The following IQSEC1 variants were observed in gnomAD, a reference collection of about 807,000 sequenced individuals.
IQSEC1 encodes IQ motif and Sec7 domain ArfGEF 1, also known as IQ motif and SEC7 domain-containing protein 1.
In IQSEC1, 31 loss-of-function variants were observed where a neutral mutation model predicts 91.0. The ratio of observed to expected loss-of-function variants is 0.34; its 90% CI spans 0.26 to 0.46. IQSEC1 has a LOEUF of 0.46. Ranked by LOEUF, IQSEC1 falls within the 20% of genes least tolerant of loss-of-function variation. The pLI, the probability that IQSEC1 is intolerant of heterozygous loss-of-function variation, is 1.00. For missense variants in IQSEC1, 1,388 were observed against 1,575.6 expected (o/e 0.88, Z 2.02); for synonymous variants, 699 against 662.6 (o/e 1.05, Z -0.84).
chr3:13,001,708 G>A (rs1702430515), intron 1 of IQSEC1, among the ~76,000 whole-genome samples: 1 of 152,194 alleles, frequency 6.6e-6, no homozygotes, highest in Non-Finnish European at 1.5e-5. Context: ...AATAAATATT[G>A]TCAAATGATT....
At chr3:12,950,767 C>T (rs1699490381) in intron 1 of IQSEC1, among the ~76,000 whole-genome samples, 1 of 151,986 alleles carries the variant, frequency 6.6e-6, no homozygotes, top group African/African-American at 2.4e-5. Flanking sequence ...CTCAGCCTCC[C>T]AAGTAGCTGG....
At chr3:13,177,426 C>T (rs754151274) in intron 1 of IQSEC1, among the ~76,000 whole-genome samples, 8 of 152,192 alleles carry the variant, frequency 5.3e-5, no homozygotes, top group East Asian at 3.8e-4. Context: ...ACAGGCCAGG[C>T]GCAGCACAGA....
chr3:13,038,262 G>GTATATA (rs58338571), intron 1 of IQSEC1, among the ~76,000 whole-genome samples: 1,689 of 101,016 alleles, frequency 0.017, 37 homozygotes, highest in East Asian at 0.068. Flanking sequence ...GTGTGTGTGT[G>GTATATA]TATATATATA....
chr3:13,209,576 C>T (rs888108722), intron 1 of IQSEC1, among the ~76,000 whole-genome samples: 1 of 152,176 alleles, frequency 6.6e-6, no homozygotes, highest in Non-Finnish European at 1.5e-5. Flanking sequence ...CCTCCCTGCC[C>T]TCCCATGTGC....
chr3:13,243,803 G>A (rs1005058867), intron 1 of IQSEC1, among the ~76,000 whole-genome samples: 10 of 151,936 alleles, frequency 6.6e-5, no homozygotes, highest in East Asian at 1.9e-4. Flanking sequence ...CTAGGGGGGC[G>A]TATGGCAGAA....
intron 12 of IQSEC1, among the ~76,000 whole-genome samples, chr3:12,906,976 C>T (rs558890714): frequency 6.6e-6 from 1 of 152,276 alleles, no homozygotes; most frequent in African/African-American, 2.4e-5. Flanking sequence ...TGATTCTGTC[C>T]CCCAGGGGAT....
chr3:13,264,308 C>T (rs1013717640), intron 1 of IQSEC1, among the ~76,000 whole-genome samples: 1 of 152,172 alleles, frequency 6.6e-6, no homozygotes, highest in Non-Finnish European at 1.5e-5. Context: ...CCCTGACCTG[C>T]CCATGGAAAC....
chr3:13,252,534 C>T (rs894125597), intron 1 of IQSEC1, among the ~76,000 whole-genome samples: 3 of 152,140 alleles, frequency 2.0e-5, no homozygotes, highest in South Asian at 2.1e-4. Context: ...CGACGCCCCG[C>T]GTTCAATTCT....
intron 1 of IQSEC1, among the ~76,000 whole-genome samples, chr3:13,247,288 T>C (rs1300271816): frequency 6.6e-6 from 1 of 152,140 alleles, no homozygotes; most frequent in Non-Finnish European, 1.5e-5. Context: ...CGTGCTGGGA[T>C]TTCTCTGCTG....
Position 13,277,645 on chromosome 3 carries a change from G to A in IQSEC1, c.272+5066C>T, listed in dbSNP as rs576522672. 2.6e-5 allele frequency among the ~76,000 whole-genome samples: 4 copies of A among 152,266 alleles called. No individual in the cohort carries two copies. The South Asian group carries it at 8.3e-4, about 32-fold the overall frequency. The stretch of plus-strand genomic sequence containing the variant: ...AGTCTCCCAGAGCATGCTGCAGCTC[G>A]TTCCTGACTTGGGGACTTCCTCCCC... On this transcript the variant is annotated intron_variant, in intron 1 of 15. Transcript: ENST00000648114.
At chr3:13,025,959 C>T (rs1036762714) in intron 1 of IQSEC1, among the ~76,000 whole-genome samples, 1 of 152,204 alleles carries the variant, frequency 6.6e-6, no homozygotes, top group Admixed American at 6.5e-5. Flanking sequence ...GCCTGTCCAC[C>T]CTGGGCCAGG....
chr3:13,139,315 A>T (rs358379), intron 2 of IQSEC1, among the ~76,000 whole-genome samples: 117,508 of 152,098 alleles, frequency 0.77, 45,914 homozygotes, highest in East Asian at 0.9. Flanking sequence ...TAACAGAAAG[A>T]TCCCCTTTGG....
Position 13,211,690 on chromosome 3 carries a change from G to A in IQSEC1, c.273-47557C>T, listed in dbSNP as rs915372602. 3.3e-5 allele frequency among the ~76,000 whole-genome samples: 5 copies of A among 152,052 alleles called. No individual in the cohort carries two copies. Among genetic ancestry groups the A allele is most frequent in the African/African-American group, 4.8e-5 (2 of 41,400 alleles). Reference sequence around the variant, plus strand: ...CACGAACTGGCACCACCCCAGCCCTGCTCAGCCACCACGTTTCCCAAATCT... The same window carrying A: ...CACGAACTGGCACCACCCCAGCCCTACTCAGCCACCACGTTTCCCAAATCT... On this transcript the variant is annotated intron_variant, in intron 1 of 15. Coordinates refer to the IQSEC1 transcript ENST00000648114. This position sits in a 1 kb window ranked among gnomAD's most constrained non-coding sequence, Gnocchi z 5.3.
intron 2 of IQSEC1, among the ~76,000 whole-genome samples, chr3:13,088,630 C>T (rs916105158): frequency 6.6e-6 from 1 of 152,156 alleles, no homozygotes; most frequent in Non-Finnish European, 1.5e-5. Flanking sequence ...CTGCTCAGTA[C>T]CCTCCCGGGG....
At chr3:13,001,784 C>T (rs1407814726) in intron 1 of IQSEC1, among the ~76,000 whole-genome samples, 2 of 152,196 alleles carry the variant, frequency 1.3e-5, no homozygotes, top group Non-Finnish European at 2.9e-5. Context: ...GCTGGCCGAG[C>T]GCGATGGCTC....
At chr3:13,026,893 TTAC>T in intron 1 of IQSEC1, among the ~76,000 whole-genome samples, 1 of 142,604 alleles carries the variant, frequency 7.0e-6, no homozygotes. Flanking sequence ...GTTTTTTTTT[TTAC>T]CAATTAATAA....
intron 2 of IQSEC1, among the ~76,000 whole-genome samples, chr3:13,134,119 C>T (rs1313704032): frequency 1.3e-5 from 2 of 152,204 alleles, no homozygotes; most frequent in African/African-American, 2.4e-5. Context: ...GAGTTCATCT[C>T]CCTCCAGGGC....
At chr3:13,041,162 A>T (rs1026200493) in intron 1 of IQSEC1, among the ~76,000 whole-genome samples, 1 of 151,438 alleles carries the variant, frequency 6.6e-6, no homozygotes, top group African/African-American at 2.4e-5. Context: ...ACCGCGGTAG[A>T]CACCGAATCA....
chr3:13,156,463 G>T (rs1233051245), intron 2 of IQSEC1, among the ~76,000 whole-genome samples: 2 of 152,168 alleles, frequency 1.3e-5, no homozygotes, highest in Non-Finnish European at 2.9e-5. Flanking sequence ...AGGCAATTAG[G>T]AAAGAGAAAG....
Sources: allele counts gnomAD v4.1 joint callset (sites outside exome capture counted in the v4.1 genomes callset), GRCh38; gene constraint gnomAD v4.1.1; non-coding constraint Gnocchi (gnomAD v3.1); transcripts MANE v1.5; gene names NCBI Gene and HGNC (gene_info 2026-07-23, HGNC 2026-07-21).